Variants in STAU2 observed in about 807,000 individuals in gnomAD.
The protein encoded by STAU2 is staufen double-stranded RNA binding protein 2, also known as double-stranded RNA-binding protein Staufen homolog 2.
STAU2 carries 20 observed loss-of-function variants against 65.9 expected under a neutral mutation model. The ratio of observed to expected loss-of-function variants is 0.30; its 90% CI spans 0.21 to 0.44. The LOEUF (loss-of-function observed/expected upper bound fraction) is 0.44. Among genes scored for constraint, STAU2 ranks in the 20% least tolerant of loss-of-function variants. The probability of loss-of-function intolerance (pLI) is 1.00; values close to 1 mark genes in which losing one functional copy is unlikely to be tolerated. For missense variants in STAU2, 558 were observed against 683.9 expected (o/e 0.82, Z 2.05); for synonymous variants, 232 against 233.9 (o/e 0.99, Z 0.07).
At chr8:73,559,995 G>A (rs1808081567) in intron 12 of STAU2, among the ~76,000 whole-genome samples, 2 of 151,066 alleles carry the variant, frequency 1.3e-5, no homozygotes, top group African/African-American at 2.4e-5. Context: ...TAATTTGTTA[G>A]AGGTTTCTTC....
intron 13 of STAU2, among the ~76,000 whole-genome samples, chr8:73,546,201 A>C (rs2128940122): frequency 7.6e-6 from 1 of 132,180 alleles, no homozygotes; most frequent in East Asian, 2.2e-4. Context: ...TCCTGACCTC[A>C]AGTGATCTGG....
intron 3 of STAU2, among the ~76,000 whole-genome samples, chr8:73,726,110 T>C (rs1805603216): frequency 1.3e-5 from 2 of 152,148 alleles, no homozygotes; most frequent in African/African-American, 4.8e-5. Context: ...TTAAAGTCAT[T>C]ATTTCTTAAT....
At chr8:73,699,688 G>C (rs1387496968) in intron 4 of STAU2, among the ~76,000 whole-genome samples, 4 of 151,832 alleles carry the variant, frequency 2.6e-5, no homozygotes, top group African/African-American at 9.7e-5. Flanking sequence ...AAGCTTCCCA[G>C]TAAAGAAAAG....
Position 73,481,047 on chromosome 8 carries a change from C to T in STAU2, c.1531-58345G>A, listed in dbSNP as rs191157824. On this transcript the variant is annotated intron_variant, in intron 13 of 14. Transcript: ENST00000524300. ...TATGCTGTTTTATTTCAAACTCACA[C>T]ATACTACACACAAGTATTCATGTAC... Among the ~76,000 whole-genome samples the T allele has an allele frequency of 2.1e-3, 316 of 152,150 alleles. 2 individuals are homozygous for T. The highest frequency in any genetic ancestry group is 7.4e-3 in the African/African-American group (307 of 41,522).
chr8:73,554,008 T>A (rs550239839), intron 12 of STAU2, among the ~76,000 whole-genome samples: 4 of 152,300 alleles, frequency 2.6e-5, no homozygotes, highest in African/African-American at 9.6e-5. Flanking sequence ...TGTTTGTGTC[T>A]GCACAAACTG....
chr8:73,722,254 G>A (rs1821735650), intron 3 of STAU2, among the ~76,000 whole-genome samples: 1 of 152,092 alleles, frequency 6.6e-6, no homozygotes, highest in South Asian at 2.1e-4. Context: ...ACAACAGCTT[G>A]TTAATATTTT....
At chr8:73,554,394 A>C (rs1585992935) in intron 12 of STAU2, among the ~76,000 whole-genome samples, 1 of 152,142 alleles carries the variant, frequency 6.6e-6, no homozygotes, top group East Asian at 1.9e-4. Context: ...TCCTGTCAGC[A>C]CTCTGAGACT....
At chr8:73,481,019 A>G (rs1396072985) in intron 13 of STAU2, among the ~76,000 whole-genome samples, 1 of 152,126 alleles carries the variant, frequency 6.6e-6, no homozygotes, top group African/African-American at 2.4e-5. Context: ...AAAAGAATAC[A>G]TATATGCTGT....
At chr8:73,621,532 TTGAA>T (rs1201870081) in intron 6 of STAU2, among the ~76,000 whole-genome samples, 1 of 152,216 alleles carries the variant, frequency 6.6e-6, no homozygotes, top group Non-Finnish European at 1.5e-5. Flanking sequence ...ATAGCTATTC[TTGAA>T]TGATTTTTCT....
intron 6 of STAU2, among the ~76,000 whole-genome samples, chr8:73,648,801 G>A (rs115842476): frequency 0.01 from 1,568 of 152,092 alleles, 26 homozygotes; most frequent in African/African-American, 0.035. Context: ...TTTCAAATGC[G>A]AGTTTTCTTG....
chr8:73,742,139 C>G, intron 1 of STAU2: 2 of 902,588 alleles, frequency 2.2e-6, no homozygotes, highest in Non-Finnish European at 2.7e-6. Flanking sequence ...ACTTTAAAGA[C>G]ACGCCCAGTC....
At chr8:73,642,277 C>A (rs1163166238) in intron 6 of STAU2, among the ~76,000 whole-genome samples, 1 of 152,188 alleles carries the variant, frequency 6.6e-6, no homozygotes, top group South Asian at 2.1e-4. Flanking sequence ...GTAATCCCAG[C>A]ACTTTATGAG....
chr8:73,691,429 T>C (rs956537015), intron 4 of STAU2, among the ~76,000 whole-genome samples: 2 of 152,164 alleles, frequency 1.3e-5, no homozygotes, highest in Non-Finnish European at 2.9e-5. Flanking sequence ...ATTTAGCTCC[T>C]ATCTCTAATC....
At chr8:73,465,138 A>T (rs1819578898) in intron 13 of STAU2, among the ~76,000 whole-genome samples, 1 of 152,190 alleles carries the variant, frequency 6.6e-6, no homozygotes, top group Non-Finnish European at 1.5e-5. Flanking sequence ...GGTGAAAGAG[A>T]AATGAGCCCA....
At chr8:73,654,893 G>T (rs925221767) in intron 6 of STAU2, among the ~76,000 whole-genome samples, 1 of 151,870 alleles carries the variant, frequency 6.6e-6, no homozygotes, top group Non-Finnish European at 1.5e-5. Flanking sequence ...CACCGTGTTA[G>T]CCAGGATGGT....
chr8:73,568,272 C>T (rs913298915), intron 12 of STAU2, among the ~76,000 whole-genome samples: 1 of 152,168 alleles, frequency 6.6e-6, no homozygotes, highest in Admixed American at 6.5e-5. Flanking sequence ...TTAAAACACA[C>T]ATTACTTTAA....
At chr8:73,495,687 A>G (rs1210312669) in intron 13 of STAU2, among the ~76,000 whole-genome samples, 1 of 145,102 alleles carries the variant, frequency 6.9e-6, no homozygotes, top group Non-Finnish European at 1.5e-5. Context: ...ATATATATAT[A>G]TGTATAGTTA....
intron 5 of STAU2, among the ~76,000 whole-genome samples, chr8:73,674,298 A>C (rs1817884986): frequency 6.6e-6 from 1 of 151,970 alleles, no homozygotes; most frequent in Admixed American, 6.6e-5. Flanking sequence ...AACTGGAACT[A>C]AATCTATCTA....
Position 73,435,097 on chromosome 8 carries a change from C to A in STAU2, c.1531-12395G>T, listed in dbSNP as rs1008016907. On this transcript the variant is annotated intron_variant, in intron 13 of 14. Coordinates refer to ENST00000524300, the MANE Select transcript of STAU2 (RefSeq NM_001164380.2). ...CCCTGGCCAGCTGGTATGGAGATGC[C>A]CCCCCTGGACCTTCTGCCCTGCTGA... Among the ~76,000 whole-genome samples, 3 of 151,706 alleles carry A rather than the reference C, an allele frequency of 2.0e-5. 1 individual carries two copies. The highest frequency in any genetic ancestry group is 7.3e-5 in the African/African-American group (3 of 41,078).
Sources: gnomAD v4.1 joint callset for allele counts (sites outside exome capture counted in the v4.1 genomes callset) on GRCh38, gnomAD v4.1.1 for gene constraint, MANE v1.5 for transcripts, NCBI Gene and HGNC (gene_info 2026-07-23, HGNC 2026-07-21) for gene names.